The following LTBP1 variants were observed in gnomAD, a reference collection of about 807,000 sequenced individuals.
LTBP1 encodes latent transforming growth factor beta binding protein 1.
LTBP1 carries 129 observed loss-of-function variants against 207.6 expected under a neutral mutation model. The ratio of observed to expected loss-of-function variants is 0.62; its 90% confidence interval spans 0.54 to 0.72. LTBP1 has a LOEUF of 0.72. LTBP1 is among the 30% of genes least tolerant of loss of function. LTBP1 has a pLI of 0.00. For missense variants in LTBP1, 2,281 were observed against 2,217.2 expected (o/e 1.03, Z -0.58); for synonymous variants, 963 against 833.7 (o/e 1.16, Z -2.67).
At chr2:33,292,065 T>C (rs1239923749) in intron 19 of LTBP1, among the ~76,000 whole-genome samples, 1 of 152,162 alleles carries the variant, frequency 6.6e-6, no homozygotes, top group Non-Finnish European at 1.5e-5. Context: ...TGATTTAAGT[T>C]TTTCCTCTTT....
intron 25 of LTBP1, among the ~76,000 whole-genome samples, chr2:33,345,486 A>G (rs1183733695): frequency 2.0e-5 from 3 of 152,256 alleles, no homozygotes. Context: ...GTTGGAAAGT[A>G]CAAAGTTCCA....
chr2:33,038,915 G>A (rs1031822463), intron 3 of LTBP1, among the ~76,000 whole-genome samples: 7 of 152,134 alleles, frequency 4.6e-5, no homozygotes, highest in African/African-American at 1.7e-4. Context: ...GCTGCTTCTC[G>A]CATCTCTGCC....
At chr2:33,010,470 A>G (rs188401450) in intron 2 of LTBP1, among the ~76,000 whole-genome samples, 107 of 152,340 alleles carry the variant, frequency 7.0e-4, no homozygotes, top group Non-Finnish European at 1.3e-3. Flanking sequence ...GTAGGTGGCT[A>G]AAGTTAACAA....
At chr2:33,054,785 T>C (rs1452966474) in intron 3 of LTBP1, among the ~76,000 whole-genome samples, 2 of 152,122 alleles carry the variant, frequency 1.3e-5, no homozygotes, top group Non-Finnish European at 2.9e-5. Context: ...CGGGGCTCAG[T>C]GAGGGTGATG....
intron 7 of LTBP1, among the ~76,000 whole-genome samples, chr2:33,210,122 G>C: frequency 6.6e-6 from 1 of 152,190 alleles, no homozygotes; most frequent in East Asian, 1.9e-4. Flanking sequence ...TCTGTTTCCT[G>C]TTCATAATGT....
intron 3 of LTBP1, among the ~76,000 whole-genome samples, chr2:33,073,038 A>T (rs2077881283): frequency 6.6e-6 from 1 of 152,226 alleles, no homozygotes; most frequent in Non-Finnish European, 1.5e-5. Context: ...CAACGTGACC[A>T]CTGAACATGG....
chr2:33,247,161 C>G (rs2092540637), intron 10 of LTBP1, among the ~76,000 whole-genome samples: 1 of 152,164 alleles, frequency 6.6e-6, no homozygotes, highest in Non-Finnish European at 1.5e-5. Context: ...CAACTTGGAG[C>G]TAGTTGACAG....
chr2:33,005,817 C>T (rs1379530626), intron 2 of LTBP1, among the ~76,000 whole-genome samples: 1 of 152,112 alleles, frequency 6.6e-6, no homozygotes, highest in East Asian at 1.9e-4. Flanking sequence ...GAACTCCCGA[C>T]CTCAGGTGAT....
chr2:33,154,763 AC>A (rs2083822102), intron 5 of LTBP1, among the ~76,000 whole-genome samples: 1 of 152,242 alleles, frequency 6.6e-6, no homozygotes. Flanking sequence ...CAAATTATCT[AC>A]CATAAAAGTT....
intron 7 of LTBP1, among the ~76,000 whole-genome samples, chr2:33,214,801 G>T (rs184601351): frequency 2.0e-5 from 3 of 151,856 alleles, no homozygotes; most frequent in Admixed American, 1.3e-4. Context: ...TGATGGTCTT[G>T]GGCTTTACTG....
At chr2:33,267,794 T>G (rs2093221039) in intron 15 of LTBP1, among the ~76,000 whole-genome samples, 1 of 152,244 alleles carries the variant, frequency 6.6e-6, no homozygotes, top group South Asian at 2.1e-4. Flanking sequence ...TTTCAACATT[T>G]AAATGTAGCT....
intron 19 of LTBP1, among the ~76,000 whole-genome samples, chr2:33,286,865 G>A (rs1470005983): frequency 6.6e-6 from 1 of 152,146 alleles, no homozygotes; most frequent in Non-Finnish European, 1.5e-5. Context: ...CTCACTCATA[G>A]GTGGGAATTG....
chr2:33,088,898 G>A (rs1050759175), intron 3 of LTBP1, among the ~76,000 whole-genome samples: 2 of 152,108 alleles, frequency 1.3e-5, no homozygotes, highest in African/African-American at 2.4e-5. Context: ...GCTCATGCTT[G>A]TAATCCCAGC....
intron 9 of LTBP1, among the ~76,000 whole-genome samples, chr2:33,240,929 C>G (rs535539196): frequency 1.3e-5 from 2 of 152,064 alleles, no homozygotes; most frequent in Non-Finnish European, 2.9e-5. Context: ...GGATTACAGG[C>G]GTGAGCCACC....
rs1367830149 is a variant in LTBP1 at position 33,260,756 on chromosome 2, T to C, written c.2418+1146T>C. The stretch of plus-strand genomic sequence containing the variant: ...AGCGAGTAGTTTGCAATTTTGTTGA[T>C]TTTGAATTTAGTCCTGGTTGATGTA... On this transcript the variant is annotated intron_variant, in intron 13 of 33. Transcript: ENST00000404816. 2.5e-4 allele frequency among the ~76,000 whole-genome samples: 38 copies of C among 152,202 alleles called. 1 individual carries two copies. The highest frequency in any genetic ancestry group is 2.2e-3 in the Admixed American group (34 of 15,284).
chr2:33,312,259 T>C (rs1208518393), intron 23 of LTBP1, among the ~76,000 whole-genome samples: 2 of 152,194 alleles, frequency 1.3e-5, no homozygotes, highest in African/African-American at 4.8e-5. Context: ...ATGGACATGT[T>C]TGAATAACAG....
At chr2:33,276,452 C>G (rs1442313335) in intron 18 of LTBP1, among the ~76,000 whole-genome samples, 1 of 152,226 alleles carries the variant, frequency 6.6e-6, no homozygotes, top group African/African-American at 2.4e-5. Flanking sequence ...AGCTTTCTCT[C>G]ATTATAAAAA....
At chr2:32,959,964 C>T (rs1678822305) in intron 2 of LTBP1, among the ~76,000 whole-genome samples, 2 of 152,124 alleles carry the variant, frequency 1.3e-5, no homozygotes, top group South Asian at 4.2e-4. Flanking sequence ...TCCATCCTCC[C>T]ATATGCATTT....
Position 33,301,562 on chromosome 2 carries a change from G to A in LTBP1, c.3399G>A (p.Gly1133=). ...ECQHRHLCAH[G]QCRNTEGSFQ... ...AGCACCGTCATCTCTGTGCTCATGG[G>A]CAGTGCAGGAACACTGAGGGCTCTT... The change falls in exon 22 of 34, where the codon GGG becomes GGA. Residue 1133 remains glycine (G), a synonymous_variant. Transcript: ENST00000404816. The A allele has an allele frequency of 6.2e-7, 1 of 1,611,598 alleles. No homozygotes were observed. Among genetic ancestry groups the A allele is most frequent in the Non-Finnish European group, 8.5e-7 (1 of 1,178,850 alleles).
Sources: gnomAD v4.1 joint callset for allele counts (sites outside exome capture counted in the v4.1 genomes callset) on GRCh38, gnomAD v4.1.1 for gene constraint, MANE v1.5 for transcripts, NCBI Gene and HGNC (gene_info 2026-07-23, HGNC 2026-07-21) for gene names.